Variants in GPR158 observed in about 807,000 individuals in gnomAD.
The protein encoded by GPR158 is metabotropic glycine receptor.
In GPR158, 30 loss-of-function variants were observed where a neutral mutation model predicts 78.2. The observed-to-expected ratio is 0.38, with a 90% CI of 0.29 to 0.52. The LOEUF is 0.52. Ranked by LOEUF, GPR158 falls within the 20% of genes least tolerant of loss-of-function variation. The pLI, the probability that GPR158 is intolerant of heterozygous loss-of-function variation, is 0.83. For missense variants in GPR158, 1,463 were observed against 1,523.5 expected, an observed-to-expected ratio of 0.96 and a Z score of 0.66; for synonymous variants, 581 against 591.1, an observed-to-expected ratio of 0.98 and a Z score of 0.25.
At position 25,572,371 on chromosome 10, in the gene GPR158, G is replaced by C. The variant is rs572825537; in HGVS notation, c.1515-278G>C. On this transcript the variant is annotated intron_variant, in intron 6 of 10. Coordinates refer to ENST00000376351, the MANE Select transcript of GPR158 (RefSeq NM_020752.3). The stretch of plus-strand genomic sequence containing the variant: ...AGCCAGGCACAGTGGCACGTGCCTG[G>C]AGTCTCAGCTACTTGGAAGGCTGAG... Among the ~76,000 whole-genome samples the C allele has an allele frequency of 6.6e-5, 10 of 152,256 alleles. No homozygotes were observed. In the East Asian group the frequency reaches 1.7e-3, roughly 27 times the overall value.
intron 5 of GPR158, among the ~76,000 whole-genome samples, chr10:25,526,314 A>G (rs940233086): frequency 6.6e-6 from 1 of 152,128 alleles, no homozygotes; most frequent in Non-Finnish European, 1.5e-5. Flanking sequence ...AGGGGGCTAC[A>G]TTACCTACTC....
chr10:25,505,841 C>A (rs1220779308), intron 5 of GPR158, among the ~76,000 whole-genome samples: 2 of 152,110 alleles, frequency 1.3e-5, no homozygotes, highest in Non-Finnish European at 2.9e-5. Flanking sequence ...CTGTAAGGCT[C>A]AACTCAGGCT....
rs554300572 is a variant in GPR158, at chr10:25,378,546, T to G, written c.1009-17365T>G. Among the ~76,000 whole-genome samples, 114 of 151,992 alleles carry G rather than the reference T, an allele frequency of 7.5e-4. 1 individual carries two copies. The highest frequency in any genetic ancestry group is 2.2e-3 in the Admixed American group (33 of 15,246). On this transcript the variant is annotated intron_variant, in intron 2 of 10. Coordinates refer to ENST00000376351, the MANE Select transcript of GPR158 (RefSeq NM_020752.3). ...TATGCTCTTTTTTCCTCTTTTCTTA[T>G]GTTATTTGGTTTTAATACAGTATTT...
chr10:25,446,311 A>T (rs1027120641), intron 4 of GPR158, among the ~76,000 whole-genome samples: 1 of 152,188 alleles, frequency 6.6e-6, no homozygotes, highest in African/African-American at 2.4e-5. Flanking sequence ...GTGAGTCAGG[A>T]AGTCACAACA....
At chr10:25,196,045 C>T (rs934247999) in intron 1 of GPR158, among the ~76,000 whole-genome samples, 4 of 151,844 alleles carry the variant, frequency 2.6e-5, no homozygotes, top group African/African-American at 9.7e-5. Flanking sequence ...AGATGTGATT[C>T]ATTTTATTGA....
At chr10:25,199,757 C>T (rs1852896334) in intron 1 of GPR158, among the ~76,000 whole-genome samples, 1 of 152,164 alleles carries the variant, frequency 6.6e-6, no homozygotes, top group Non-Finnish European at 1.5e-5. Context: ...TTGTAAGTTT[C>T]CTGAGGCCGC....
intron 5 of GPR158, among the ~76,000 whole-genome samples, chr10:25,540,967 T>C (rs76492716): frequency 8.2e-4 from 98 of 119,636 alleles, no homozygotes; most frequent in African/African-American, 2.1e-3. Flanking sequence ...TATATATATA[T>C]ATATATATAT....
At chr10:25,348,344 A>G (rs1189103559) in intron 2 of GPR158, among the ~76,000 whole-genome samples, 2 of 151,554 alleles carry the variant, frequency 1.3e-5, no homozygotes, top group African/African-American at 2.4e-5. Context: ...ATTAAAGGCT[A>G]TTCATACTGT....
intron 4 of GPR158, among the ~76,000 whole-genome samples, chr10:25,419,380 G>C (rs1834713641): frequency 6.6e-6 from 1 of 151,986 alleles, no homozygotes; most frequent in Non-Finnish European, 1.5e-5. Context: ...ACCACATTTT[G>C]TTTTTCCGTT....
chr10:25,407,115 C>T (rs377618533), intron 3 of GPR158, among the ~76,000 whole-genome samples: 2 of 152,208 alleles, frequency 1.3e-5, no homozygotes, highest in East Asian at 3.9e-4. Context: ...AGTCGTCTCC[C>T]AAATCAGATA....
At chr10:25,539,822 T>G (rs1564483831) in intron 5 of GPR158, among the ~76,000 whole-genome samples, 1 of 152,174 alleles carries the variant, frequency 6.6e-6, no homozygotes, top group Non-Finnish European at 1.5e-5. Context: ...CTTTTGTTAT[T>G]TTGAATCCAA....
chr10:25,368,373 A>G (rs1385397729), intron 2 of GPR158, among the ~76,000 whole-genome samples: 1 of 151,880 alleles, frequency 6.6e-6, no homozygotes, highest in Non-Finnish European at 1.5e-5. Flanking sequence ...TCTAGCATCT[A>G]TGAGAAATTT....
intron 3 of GPR158, among the ~76,000 whole-genome samples, chr10:25,411,826 C>T (rs569874064): frequency 1.3e-4 from 20 of 150,140 alleles, no homozygotes; most frequent in Non-Finnish European, 2.5e-4. Context: ...TCCAGCTACT[C>T]GGGAGGCTGA....
intron 2 of GPR158, among the ~76,000 whole-genome samples, chr10:25,320,885 T>C (rs796635668): frequency 2.7e-4 from 41 of 152,344 alleles, no homozygotes; most frequent in African/African-American, 8.9e-4. Flanking sequence ...AAGTGAATTT[T>C]ATCTAATTTT....
chr10:25,214,294 G>A (rs981824542), intron 1 of GPR158, among the ~76,000 whole-genome samples: 1 of 151,922 alleles, frequency 6.6e-6, no homozygotes, highest in African/African-American at 2.4e-5. Context: ...ACGCCTGGCC[G>A]AGTCTCCCTT....
intron 4 of GPR158, among the ~76,000 whole-genome samples, chr10:25,431,312 C>T (rs374183845): frequency 8.2e-5 from 12 of 146,500 alleles, no homozygotes; most frequent in Non-Finnish European, 1.5e-5. Context: ...CAATGAGATA[C>T]CATCTCACAC....
intron 2 of GPR158, among the ~76,000 whole-genome samples, chr10:25,294,480 T>C (rs140452005): frequency 1.3e-5 from 2 of 152,360 alleles, no homozygotes; most frequent in Admixed American, 1.3e-4. Flanking sequence ...TGCTTGTGAC[T>C]CACTGAGCTG....
rs559857832 is a variant in GPR158, at chr10:25,185,822, T to A, written c.902+9500T>A. Among the ~76,000 whole-genome samples, 532 of 151,380 alleles carry A rather than the reference T, an allele frequency of 3.5e-3. 4 individuals are homozygous for A. Among genetic ancestry groups the A allele is most frequent in the African/African-American group, 0.012 (500 of 41,276 alleles). On this transcript the variant is annotated intron_variant, in intron 1 of 10. Transcript: ENST00000376351. ...TGGGCGACAGAGAAAAAAAAAAAAA[T>A]TCCTGGATATCCTTGTTAACTTTCT...
chr10:25,189,916 C>G (rs1465430783), intron 1 of GPR158, among the ~76,000 whole-genome samples: 1 of 139,624 alleles, frequency 7.2e-6, no homozygotes, highest in Non-Finnish European at 1.5e-5. Context: ...AAGGGGGGTA[C>G]AGTTTGGTGT....
Sources: gnomAD v4.1 joint callset for allele counts (sites outside exome capture counted in the v4.1 genomes callset) on GRCh38, gnomAD v4.1.1 for gene constraint, MANE v1.5 for transcripts, NCBI Gene and HGNC (gene_info 2026-07-23, HGNC 2026-07-21) for gene names.